KCNJ12: variants seen among roughly 807,000 people sequenced by gnomAD.
The protein encoded by KCNJ12 is potassium inwardly rectifying channel subfamily J member 12.
In KCNJ12, 2 loss-of-function variants were observed where a neutral mutation model predicts 22.3. The observed-to-expected ratio is 0.09, with a 90% CI of 0.04 to 0.28. The LOEUF (loss-of-function observed/expected upper bound fraction) is 0.28, where lower values mean the gene tolerates loss of function less well. Ranked by LOEUF, KCNJ12 falls within the 10% of genes least tolerant of loss-of-function variation. The pLI, the probability that KCNJ12 is intolerant of heterozygous loss-of-function variation, is 1.00. For missense variants in KCNJ12, 155 were observed against 633.3 expected, an observed-to-expected ratio of 0.24 and a Z score of 8.11; for synonymous variants, 117 against 261.4, an observed-to-expected ratio of 0.45 and a Z score of 5.33.
At chr17:21,382,482 C>A (rs1904902294) in intron 1 of KCNJ12, among the ~76,000 whole-genome samples, 1 of 132,892 alleles carries the variant, frequency 7.5e-6, no homozygotes. Flanking sequence ...CATTTCACCT[C>A]TCCTTTCCAG....
At chr17:21,392,831 A>G (rs1268800436) in intron 1 of KCNJ12, among the ~76,000 whole-genome samples, 4 of 152,222 alleles carry the variant, frequency 2.6e-5, no homozygotes, top group Non-Finnish European at 5.9e-5. Context: ...CGGTCGGGGC[A>G]ACCTTGATGG....
At chr17:21,391,522 C>A (rs1195802631) in intron 1 of KCNJ12, among the ~76,000 whole-genome samples, 1 of 152,258 alleles carries the variant, frequency 6.6e-6, no homozygotes, top group African/African-American at 2.4e-5. Flanking sequence ...GACAGGGTTA[C>A]CAGTCACCTG....
intron 1 of KCNJ12, among the ~76,000 whole-genome samples, chr17:21,380,066 ACAC>A (rs1371094867): frequency 6.6e-6 from 1 of 152,060 alleles, no homozygotes; most frequent in Non-Finnish European, 1.5e-5. Flanking sequence ...CATTCCACAG[ACAC>A]ACCCCTCAGG....
chr17:21,396,097 C>T (rs540873353), intron 1 of KCNJ12, among the ~76,000 whole-genome samples: 13 of 152,118 alleles, frequency 8.5e-5, no homozygotes, highest in African/African-American at 1.2e-4. Context: ...GGCCCCCGGG[C>T]GCAGGCAGGG....
At chr17:21,413,073 T>G (rs1237325039) in intron 2 of KCNJ12, among the ~76,000 whole-genome samples, 2 of 141,942 alleles carry the variant, frequency 1.4e-5, no homozygotes, top group Non-Finnish European at 3.2e-5. Flanking sequence ...CCTGGGAGTG[T>G]TCCACAGCCT....
chr17:21,412,690 C>T (rs1365078263), intron 2 of KCNJ12, among the ~76,000 whole-genome samples: 2 of 152,312 alleles, frequency 1.3e-5, no homozygotes, highest in Non-Finnish European at 2.9e-5. Flanking sequence ...TCCACCATTC[C>T]GGCCCTGCGT....
intron 1 of KCNJ12, among the ~76,000 whole-genome samples, chr17:21,391,838 G>C (rs1905218931): frequency 6.6e-6 from 1 of 152,218 alleles, no homozygotes; most frequent in African/African-American, 2.4e-5. Flanking sequence ...CACTAGAAGG[G>C]GGACAGGCTG....
intron 1 of KCNJ12, among the ~76,000 whole-genome samples, chr17:21,402,038 C>T (rs2142063043): frequency 6.6e-6 from 1 of 152,372 alleles, no homozygotes; most frequent in South Asian, 2.1e-4. Context: ...TCCCATCTGC[C>T]CAGCGTGCTG....
At chr17:21,390,478 G>T (rs958488502) in intron 1 of KCNJ12, among the ~76,000 whole-genome samples, 1 of 152,248 alleles carries the variant, frequency 6.6e-6, no homozygotes, top group Non-Finnish European at 1.5e-5. Context: ...CGTGGAGTCA[G>T]GGCAGGAGCT....
chr17:21,389,520 C>T (rs1555559077), intron 1 of KCNJ12, among the ~76,000 whole-genome samples: 6 of 152,330 alleles, frequency 3.9e-5, no homozygotes, highest in South Asian at 2.1e-4. Context: ...GCGGCAGCTT[C>T]GCTGCTTGGG....
intron 1 of KCNJ12, among the ~76,000 whole-genome samples, chr17:21,379,658 C>T (rs539220395): frequency 6.6e-6 from 1 of 152,164 alleles, no homozygotes; most frequent in South Asian, 2.1e-4. Flanking sequence ...CTCAGCCCCA[C>T]GGGATGGCTG....
intron 2 of KCNJ12, among the ~76,000 whole-genome samples, chr17:21,412,442 A>C (rs1382894473): frequency 5.9e-5 from 9 of 152,308 alleles, no homozygotes; most frequent in Non-Finnish European, 1.2e-4. Context: ...GCAGGCTTTG[A>C]GCTGCTCGGA....
chr17:21,385,896 G>A (rs577907158), intron 1 of KCNJ12, among the ~76,000 whole-genome samples: 133 of 152,362 alleles, frequency 8.7e-4, no homozygotes, highest in African/African-American at 3.2e-3. Flanking sequence ...GAGCCTCAGT[G>A]TCCTCCCCTG....
chr17:21,392,901 G>C (rs896408170), intron 1 of KCNJ12, among the ~76,000 whole-genome samples: 1 of 152,208 alleles, frequency 6.6e-6, no homozygotes, highest in African/African-American at 2.4e-5. Context: ...GGCAGGTGGG[G>C]TGTGTGTGGA....
chr17:21,406,475 G>A (rs1228860253), intron 1 of KCNJ12, among the ~76,000 whole-genome samples: 1,053 of 151,394 alleles, frequency 7.0e-3, no homozygotes, highest in Middle Eastern at 0.014. Flanking sequence ...ATGGCTGAGA[G>A]AGGCAAAGTG....
At chr17:21,401,117 C>T (rs1330715474) in intron 1 of KCNJ12, among the ~76,000 whole-genome samples, 2 of 152,298 alleles carry the variant, frequency 1.3e-5, no homozygotes, top group Non-Finnish European at 2.9e-5. Flanking sequence ...ACCTGCTCCA[C>T]TGTCTCGGGG....
intron 1 of KCNJ12, among the ~76,000 whole-genome samples, chr17:21,378,341 GT>G (rs1361975029): frequency 6.6e-6 from 1 of 152,226 alleles, no homozygotes; most frequent in African/African-American, 2.4e-5. Context: ...ACTCCCTTCT[GT>G]ATTCTGAGAA....
At chr17:21,393,714 C>T (rs1013311003) in intron 1 of KCNJ12, among the ~76,000 whole-genome samples, 7 of 152,188 alleles carry the variant, frequency 4.6e-5, no homozygotes, top group South Asian at 2.1e-4. Context: ...CCTCATGGCC[C>T]GCTTTACAGA....
intron 1 of KCNJ12, among the ~76,000 whole-genome samples, chr17:21,384,539 G>A (rs1300238643): frequency 6.6e-6 from 1 of 152,096 alleles, no homozygotes; most frequent in African/African-American, 2.4e-5. Flanking sequence ...CTGGGGCTTT[G>A]GGACCTCTGG....
Sources: allele counts gnomAD v4.1 joint callset (sites outside exome capture counted in the v4.1 genomes callset), GRCh38; gene constraint gnomAD v4.1.1; transcripts MANE v1.5; gene names NCBI Gene and HGNC (gene_info 2026-07-23, HGNC 2026-07-21).